The following NDUFA5 variants were observed in gnomAD, a reference collection of about 807,000 sequenced individuals.
The protein encoded by NDUFA5 is NADH:ubiquinone oxidoreductase subunit A5, also known as NADH dehydrogenase [ubiquinone] 1 alpha subcomplex subunit 5.
In NDUFA5, 11 loss-of-function variants were observed where a neutral mutation model predicts 19.8. The ratio of observed to expected loss-of-function variants is 0.56; its 90% CI spans 0.35 to 0.92. The LOEUF is 0.92. NDUFA5 is among the 40% of genes least tolerant of loss of function. The pLI is 0.01. For missense variants in NDUFA5, 109 were observed against 134.2 expected (o/e 0.81, Z 0.93); for synonymous variants, 47 against 46.8 (o/e 1.00, Z -0.01).
chr7:123,537,618 A>G lies in NDUFA5; in HGVS notation c.*4501T>C, dbSNP rs1455729468. On this transcript the variant is annotated 3_prime_UTR_variant, in exon 5 of 5. Transcript: ENST00000355749. ...TATATTGATACATCTGTGGCAAAATATATTCATATTCACATTGAAGTGCGA... is the reference window on the plus strand; with the variant it reads ...TATATTGATACATCTGTGGCAAAATGTATTCATATTCACATTGAAGTGCGA... 3.3e-5 allele frequency: 5 copies of G among 152,216 alleles called. No individual in the cohort carries two copies. Among genetic ancestry groups the G allele is most frequent in the African/African-American group, 1.2e-4 (5 of 41,464 alleles). The allele number at this position is 152,216 out of a possible 1,614,324, so 9.4% of individuals were successfully genotyped here.
rs1443107231 is a variant in NDUFA5, at chr7:123,538,894, G to A, written c.*3225C>T. The A allele has an allele frequency of 6.6e-6, 1 of 152,158 alleles. No homozygotes were observed. The highest frequency in any genetic ancestry group is 2.4e-5 in the African/African-American group (1 of 41,432). The allele number at this position is 152,158 out of a possible 1,614,324, so 9.4% of individuals were successfully genotyped here. ...ACATGTGGGAATTTTCCTATATATT[G>A]TCATCTCCCTTTTAAAAAAGATACA... On this transcript the variant is annotated 3_prime_UTR_variant, in exon 5 of 5. Coordinates refer to ENST00000355749, the MANE Select transcript of NDUFA5 (RefSeq NM_005000.5).
chr7:123,558,023 G>A, upstream of NDUFA5: 1 of 684,900 alleles, frequency 1.5e-6, no homozygotes, highest in Non-Finnish European at 2.4e-6. Context: ...ATTGGGGAAA[G>A]AAAGGGTTTC....
upstream of NDUFA5, among the ~76,000 whole-genome samples, chr7:123,559,973 G>GA (rs571869094): frequency 4.0e-5 from 6 of 149,178 alleles, no homozygotes; most frequent in East Asian, 2.0e-4. Context: ...AGTAGCATAT[G>GA]AAAAAAAAAT....
At chr7:123,557,671 G>T (rs1391168718) in intron 1 of NDUFA5, 104 bp downstream of exon 1, 1 of 1,613,814 alleles carries the variant, frequency 6.2e-7, no homozygotes, top group African/African-American at 1.3e-5. Flanking sequence ...GAAAAGCACC[G>T]CCGAGCCCGC....
At chr7:123,573,288 C>CTT in the NDUFA5 span, among the ~76,000 whole-genome samples, 1,263 of 117,866 alleles carry the variant, frequency 0.011, 19 homozygotes, top group East Asian at 0.027. Flanking sequence ...TCTGGATTTG[C>CTT]TTTTTTTTTT....
chr7:123,581,411 A>G, the NDUFA5 span, among the ~76,000 whole-genome samples: 1 of 133,628 alleles, frequency 7.5e-6, no homozygotes, highest in Non-Finnish European at 1.6e-5. Context: ...TCAAGTGAGC[A>G]CTTAAAAAAA....
At position 123,541,749 on chromosome 7, in the gene NDUFA5, C is replaced by A. The variant is rs1409281614; in HGVS notation, c.*370G>T. The A allele has an allele frequency of 6.5e-6, 1 of 153,172 alleles. No homozygotes were observed. The highest frequency in any genetic ancestry group is 2.1e-4 in the South Asian group (1 of 4,858). The allele number at this position is 153,172 out of a possible 1,614,324, so 9.5% of individuals were successfully genotyped here. ...TTGTTTAGACTATAATAATTAAGGA[C>A]CTTTCCTTCTTCAGGATAACTTAAA... On this transcript the variant is annotated 3_prime_UTR_variant, in exon 5 of 5. Transcript: ENST00000355749.
At chr7:123,577,508 G>A in the NDUFA5 span, among the ~76,000 whole-genome samples, 22 of 151,972 alleles carry the variant, frequency 1.4e-4, no homozygotes, top group Non-Finnish European at 2.9e-4. Context: ...TATTCAGATC[G>A]ACTTTAATTA....
At chr7:123,544,477 A>G (rs1346675206) in intron 4 of NDUFA5, among the ~76,000 whole-genome samples, 2 of 146,934 alleles carry the variant, frequency 1.4e-5, no homozygotes, top group Non-Finnish European at 3.0e-5. Flanking sequence ...CAGCCTGGGC[A>G]ACAAGAGCAA....
chr7:123,596,196 C>A, the NDUFA5 span, among the ~76,000 whole-genome samples: 1 of 151,976 alleles, frequency 6.6e-6, no homozygotes. Context: ...GGAGGCAAAT[C>A]ATGAGACCAT....
chr7:123,577,133 A>G, the NDUFA5 span, among the ~76,000 whole-genome samples: 4 of 152,112 alleles, frequency 2.6e-5, no homozygotes, highest in Admixed American at 1.3e-4. Flanking sequence ...TGTCTTTTTC[A>G]TATTATTTGT....
the NDUFA5 span, among the ~76,000 whole-genome samples, chr7:123,567,955 G>GT: frequency 4.0e-5 from 6 of 151,710 alleles, no homozygotes; most frequent in Admixed American, 3.3e-4. Flanking sequence ...ATTTTTACCT[G>GT]TTTTTTTTCT....
At chr7:123,591,680 G>A in the NDUFA5 span, among the ~76,000 whole-genome samples, 2 of 152,138 alleles carry the variant, frequency 1.3e-5, no homozygotes, top group African/African-American at 2.4e-5. Flanking sequence ...GCTTTTTGAC[G>A]TGTTGCTGGA....
the NDUFA5 span, among the ~76,000 whole-genome samples, chr7:123,580,390 G>A: frequency 1.3e-5 from 2 of 151,960 alleles, no homozygotes; most frequent in Non-Finnish European, 2.9e-5. Context: ...AATCAAACTT[G>A]CTAGGCACAG....
At chr7:123,595,086 C>T in the NDUFA5 span, among the ~76,000 whole-genome samples, 3 of 152,216 alleles carry the variant, frequency 2.0e-5, no homozygotes, top group Admixed American at 6.5e-5. Context: ...GCAAGCAAGG[C>T]TCCGTGGACG....
upstream of NDUFA5, among the ~76,000 whole-genome samples, chr7:123,562,666 G>A (rs1464980052): frequency 6.6e-6 from 1 of 152,174 alleles, no homozygotes; most frequent in Non-Finnish European, 1.5e-5. Context: ...GTGCTGAAGA[G>A]AGTCAGGGCC....
chr7:123,598,475 T>C, the NDUFA5 span, among the ~76,000 whole-genome samples: 33 of 152,002 alleles, frequency 2.2e-4, no homozygotes, highest in Non-Finnish European at 4.0e-4. Context: ...TTCACAATAG[T>C]GAAAATTAAG....
the NDUFA5 span, among the ~76,000 whole-genome samples, chr7:123,591,883 T>C: frequency 5.2e-3 from 798 of 152,190 alleles, 4 homozygotes; most frequent in African/African-American, 0.018. Flanking sequence ...GGTACCAGCT[T>C]TTCTTTGTAC....
rs145782496 is a variant in NDUFA5, at chr7:123,551,029, G to A, written c.67-443C>T. Among the ~76,000 whole-genome samples the A allele has an allele frequency of 4.2e-3, 641 of 152,124 alleles. 3 individuals carry two copies. The highest frequency in any genetic ancestry group is 0.014 in the African/African-American group (592 of 41,498). On this transcript the variant is annotated intron_variant, in intron 2 of 4. Transcript: ENST00000355749. Reference sequence around the variant, plus strand: ...CAACCTCCACCTCCCAGGTTCAAGCGATTCTCCTGCCTCTGCCTCCACAGT... The same window carrying A: ...CAACCTCCACCTCCCAGGTTCAAGCAATTCTCCTGCCTCTGCCTCCACAGT...
Sources: gnomAD v4.1 joint callset for allele counts (sites outside exome capture counted in the v4.1 genomes callset) on GRCh38, gnomAD v4.1.1 for gene constraint, MANE v1.5 for transcripts, NCBI Gene and HGNC (gene_info 2026-07-23, HGNC 2026-07-21) for gene names.